Variants in EML6 observed in about 807,000 individuals in gnomAD.
EML6 encodes EMAP like 6, also known as echinoderm microtubule-associated protein-like 6.
Under a neutral mutation model 240.1 loss-of-function variants are expected in EML6, and 154 were observed. The observed-to-expected ratio is 0.64, with a 90% confidence interval of 0.56 to 0.73. The LOEUF (loss-of-function observed/expected upper bound fraction) is 0.73. Among genes scored for constraint, EML6 ranks in the 30% least tolerant of loss-of-function variants. EML6 has a pLI of 0.00. For missense variants in EML6, 2,964 were observed against 2,474.6 expected, an observed-to-expected ratio of 1.20 and a Z score of -4.20; for synonymous variants, 1,148 against 899.0, an observed-to-expected ratio of 1.28 and a Z score of -4.95.
At chr2:54,910,891 A>G in intron 24 of EML6, 63 bp from the exon 25 acceptor site, 1 of 809,192 alleles carries the variant, frequency 1.2e-6, no homozygotes, top group African/African-American at 1.7e-5. Flanking sequence ...CATGCTTCTC[A>G]TTTTATAATA....
chr2:54,787,913 G>T (rs549236932), intron 2 of EML6, among the ~76,000 whole-genome samples: 22 of 152,052 alleles, frequency 1.4e-4, no homozygotes, highest in African/African-American at 4.8e-4. Context: ...CCCGTCCCCC[G>T]AGGCCTAGTT....
chr2:54,883,836 A>G (rs1417135133), intron 17 of EML6, among the ~76,000 whole-genome samples: 2 of 152,218 alleles, frequency 1.3e-5, no homozygotes, highest in Non-Finnish European at 2.9e-5. Flanking sequence ...ATATATTGAC[A>G]TTAGCTAAAC....
Position 54,724,420 on chromosome 2 carries a change from G to A in EML6, c.-513-129G>A, listed in dbSNP as rs1288565645. The A allele has an allele frequency of 1.3e-5, 2 of 152,194 alleles. No individual in the cohort carries two copies. Among genetic ancestry groups the A allele is most frequent in the Non-Finnish European group, 2.9e-5 (2 of 68,032 alleles). The allele number at this position is 152,194 out of a possible 1,614,324, so 9.4% of individuals were successfully genotyped here. ...CATTAAGGAGATGGAACTGGAGAGA[G>A]AAAGCGGGAGTAGGGGACAATTTTT... On this transcript the variant is annotated intron_variant, in intron 1 of 41. Coordinates refer to ENST00000356458, the MANE Select transcript of EML6 (RefSeq NM_001039753.4). This position sits in a 1 kb window ranked among gnomAD's most constrained non-coding sequence, Gnocchi z 5.2.
At chr2:54,913,814 C>G (rs1419762221) in intron 25 of EML6, among the ~76,000 whole-genome samples, 1 of 152,154 alleles carries the variant, frequency 6.6e-6, no homozygotes, top group African/African-American at 2.4e-5. Flanking sequence ...ATCTCTAATC[C>G]ATCTTGAGTT....
intron 7 of EML6, among the ~76,000 whole-genome samples, chr2:54,840,083 A>T (rs558578594): frequency 1.3e-5 from 2 of 152,218 alleles, no homozygotes; most frequent in Admixed American, 1.3e-4. Flanking sequence ...TTGCTTCCTG[A>T]TAATGCTGAA....
rs1670572711 is a variant in EML6 at position 54,859,662 on chromosome 2, G to A, written c.1786G>A (p.Glu596Lys). The A allele has an allele frequency of 6.5e-7, 1 of 1,549,598 alleles. No homozygotes were observed. The highest frequency in any genetic ancestry group is 8.7e-7 in the Non-Finnish European group (1 of 1,146,486). The stretch of plus-strand genomic sequence containing the variant: ...AGTTTTCCAGTGGAGGTTTATTCCA[G>A]AAGGTGTCAGCAACGGCATGCTGGA... ...HSVFQWRFIPEGVSNGMLETA... is the reference protein window; with the variant it reads ...HSVFQWRFIPKGVSNGMLETA... Residue 596 changes from glutamate (E) to lysine (K), a missense_variant, in exon 12 of 42, where the codon GAA (glutamate) becomes AAA (lysine). Transcript: ENST00000356458.
chr2:54,893,486 C>T (rs1410764674), intron 19 of EML6, among the ~76,000 whole-genome samples: 1 of 152,170 alleles, frequency 6.6e-6, no homozygotes, highest in African/African-American at 2.4e-5. Context: ...GCAGACCCCT[C>T]ATGGTCTAGT....
At chr2:54,855,757 T>A (rs1433491066) in intron 11 of EML6, among the ~76,000 whole-genome samples, 1 of 152,102 alleles carries the variant, frequency 6.6e-6, no homozygotes, top group Non-Finnish European at 1.5e-5. Flanking sequence ...GGCTTATAAA[T>A]CTTGTAATTT....
At position 54,816,804 on chromosome 2, in the gene EML6, G is replaced by C. The variant is rs953989776; in HGVS notation, c.375G>C (p.Gly125=). The change falls in exon 4 of 42, where the codon GGG becomes GGC. Residue 125 remains glycine (G), a synonymous_variant. Transcript: ENST00000356458. ...DSDGQRLASV[G]LDAKNTVCIW... Reference sequence around the variant, plus strand: ...ATTCTTAGCGTTTAGCCTCTGTGGGGTTGGATGCCAAAAACACAGTCTGCA... The same window carrying C: ...ATTCTTAGCGTTTAGCCTCTGTGGGCTTGGATGCCAAAAACACAGTCTGCA... 3 of 1,551,148 alleles carry C rather than the reference G, an allele frequency of 1.9e-6. No homozygotes were observed. The African/African-American group carries it at 4.1e-5, about 21-fold the overall frequency.
At chr2:54,922,686 T>C (rs1674321446) in intron 26 of EML6, among the ~76,000 whole-genome samples, 1 of 152,184 alleles carries the variant, frequency 6.6e-6, no homozygotes, top group East Asian at 1.9e-4. Flanking sequence ...ATTGTGTATA[T>C]ATACATATAC....
At chr2:54,737,189 G>A (rs1683435691) in intron 2 of EML6, among the ~76,000 whole-genome samples, 1 of 152,210 alleles carries the variant, frequency 6.6e-6, no homozygotes, top group South Asian at 2.1e-4. Context: ...CTTAGAAGAT[G>A]TGTGCTGAAA....
At position 54,847,695 on chromosome 2, in the gene EML6, T is replaced by C. The variant is rs890213559; in HGVS notation, c.1187+72T>C. 4.7e-6 allele frequency: 7 copies of C among 1,500,084 alleles called. No individual in the cohort carries two copies. The African/African-American group carries it at 9.7e-5, about 21-fold the overall frequency. The allele number at this position is 1,500,084 out of a possible 1,614,324, so 92.9% of individuals were successfully genotyped here. A position where few individuals can be genotyped will look rare whatever the true frequency, so the allele number is the denominator to read the frequency against. On this transcript the variant is annotated intron_variant, in intron 9 of 41. Transcript: ENST00000356458. ...AATGTTACAATTTTCCTGGTCATAA[T>C]ACATGCTAGGACCTTAGGAAAAATC...
At chr2:54,733,090 G>T (rs1558513103) in intron 2 of EML6, among the ~76,000 whole-genome samples, 1 of 152,252 alleles carries the variant, frequency 6.6e-6, no homozygotes, top group East Asian at 1.9e-4. Context: ...AAGGATTCTG[G>T]GATTGTCCAC....
chr2:54,902,174 T>C (rs1673092158), intron 22 of EML6, among the ~76,000 whole-genome samples: 1 of 152,200 alleles, frequency 6.6e-6, no homozygotes. Flanking sequence ...AAAAAATGGT[T>C]TCTGGAAATT....
At chr2:54,887,203 G>C (rs774745403) in intron 17 of EML6, among the ~76,000 whole-genome samples, 2 of 152,132 alleles carry the variant, frequency 1.3e-5, no homozygotes, top group Non-Finnish European at 2.9e-5. Context: ...TCATTATACA[G>C]CTCCCCATCA....
At chr2:54,970,013 A>G in intron 41 of EML6, 58 bp from the exon 42 acceptor site, 1 of 1,542,838 alleles carries the variant, frequency 6.5e-7, no homozygotes, top group East Asian at 2.4e-5. Flanking sequence ...GTTTTTTGCC[A>G]CTTGACACAA....
intron 2 of EML6, among the ~76,000 whole-genome samples, chr2:54,808,719 G>T (rs911059430): frequency 6.6e-6 from 1 of 152,092 alleles, no homozygotes; most frequent in Non-Finnish European, 1.5e-5. Flanking sequence ...TTTTGTTGTT[G>T]TTGTTAAACT....
intron 4 of EML6, 126 bp downstream of exon 4, chr2:54,817,011 T>C (rs1026833990): frequency 4.9e-5 from 30 of 617,570 alleles, no homozygotes; most frequent in Non-Finnish European, 7.8e-5. Flanking sequence ...ATTAAACTTA[T>C]AATCATCCTC....
At chr2:54,865,514 C>T (rs1327691850) in intron 13 of EML6, among the ~76,000 whole-genome samples, 3 of 152,066 alleles carry the variant, frequency 2.0e-5, no homozygotes, top group African/African-American at 4.8e-5. Context: ...TTCATGCCTA[C>T]GACTTAAACA....
Sources: allele counts gnomAD v4.1 joint callset (sites outside exome capture counted in the v4.1 genomes callset), GRCh38; gene constraint gnomAD v4.1.1; non-coding constraint Gnocchi (gnomAD v3.1); transcripts MANE v1.5; gene names NCBI Gene and HGNC (gene_info 2026-07-23, HGNC 2026-07-21).